ARHGAP26: variants seen among roughly 807,000 people sequenced by gnomAD.
The protein encoded by ARHGAP26 is rho GTPase-activating protein 26.
Under a neutral mutation model 104.8 loss-of-function variants are expected in ARHGAP26, and 38 were observed. The observed-to-expected ratio is 0.36, with a 90% confidence interval of 0.28 to 0.48. The LOEUF is 0.48. ARHGAP26 is among the 20% of genes least tolerant of loss of function. ARHGAP26 has a pLI of 0.99. For synonymous variants in ARHGAP26, 341 were observed against 340.0 expected (o/e 1.00, Z -0.03); for missense variants, 704 against 947.9 (o/e 0.74, Z 3.38).
At chr5:143,094,828 G>A (rs1039071896) in intron 17 of ARHGAP26, among the ~76,000 whole-genome samples, 4 of 152,160 alleles carry the variant, frequency 2.6e-5, no homozygotes, top group Non-Finnish European at 5.9e-5. Context: ...ATCAGAATGA[G>A]TCAGGGTGGA....
intron 17 of ARHGAP26, among the ~76,000 whole-genome samples, chr5:143,113,988 G>A (rs913072975): frequency 2.0e-5 from 3 of 152,134 alleles, no homozygotes; most frequent in Non-Finnish European, 4.4e-5. Context: ...CGTTAGCTGT[G>A]TAACCTCGAG....
chr5:143,211,570 C>G (rs948561176), intron 21 of ARHGAP26, among the ~76,000 whole-genome samples: 4 of 147,952 alleles, frequency 2.7e-5, no homozygotes, highest in Non-Finnish European at 4.5e-5. Flanking sequence ...TATTTATTTA[C>G]CTACTTACTT....
chr5:143,093,496 ATC>A (rs150564234), intron 17 of ARHGAP26, among the ~76,000 whole-genome samples: 12,338 of 151,346 alleles, frequency 0.082, 886 homozygotes, highest in East Asian at 0.28. Context: ...TACTATTTCT[ATC>A]TCTCTCTCTT....
chr5:142,908,753 A>T (rs364211), intron 9 of ARHGAP26: 32,895 of 167,040 alleles, frequency 0.2, 3,927 homozygotes, highest in East Asian at 0.46. Flanking sequence ...ATAGAAGGTG[A>T]TATGTAGCTA....
At chr5:142,813,315 T>A (rs1764483727) in intron 1 of ARHGAP26, among the ~76,000 whole-genome samples, 1 of 152,224 alleles carries the variant, frequency 6.6e-6, no homozygotes, top group Admixed American at 6.5e-5. Flanking sequence ...GTTCCCAGCC[T>A]CTGAAAGGCA....
chr5:142,940,128 C>T (rs1481125166), intron 11 of ARHGAP26, among the ~76,000 whole-genome samples: 1 of 152,184 alleles, frequency 6.6e-6, no homozygotes, highest in Non-Finnish European at 1.5e-5. Flanking sequence ...CATCCCAGGC[C>T]TAGCAGTTCA....
chr5:142,844,936 T>C (rs1310700322), intron 1 of ARHGAP26, among the ~76,000 whole-genome samples: 2 of 152,124 alleles, frequency 1.3e-5, no homozygotes, highest in Non-Finnish European at 2.9e-5. Context: ...CCCTGCTCTC[T>C]GATGCCTGCT....
chr5:143,013,049 C>T (rs1056877671), intron 11 of ARHGAP26, among the ~76,000 whole-genome samples: 1 of 152,040 alleles, frequency 6.6e-6, no homozygotes, highest in Non-Finnish European at 1.5e-5. Flanking sequence ...GAATCCAGCC[C>T]ACCACCTTCT....
rs142942884 is a variant in ARHGAP26 at position 143,207,194 on chromosome 5, G to T, written c.1989-4G>T. On this transcript the variant is annotated splice_polypyrimidine_tract_variant and splice_region_variant and intron_variant, in intron 20 of 22. Coordinates refer to ENST00000645722, the MANE Select transcript of ARHGAP26 (RefSeq NM_001135608.3). ...ACAAGTTTTCTGGTTGTTATGTCTTGCAGCCCCCCGAATCCAAGCCCAACT... is the reference window on the plus strand; with the variant it reads ...ACAAGTTTTCTGGTTGTTATGTCTTTCAGCCCCCCGAATCCAAGCCCAACT... 68 of 1,612,374 alleles carry T rather than the reference G, an allele frequency of 4.2e-5. No individual in the cohort carries two copies. In the East Asian group the frequency reaches 1.5e-3, roughly 36 times the overall value.
intron 12 of ARHGAP26, among the ~76,000 whole-genome samples, chr5:143,016,366 TACC>T (rs1415267070): frequency 1.3e-5 from 2 of 152,228 alleles, no homozygotes; most frequent in African/African-American, 4.8e-5. Flanking sequence ...CTTCAGTCAT[TACC>T]CTTTCATCTA....
chr5:142,785,735 T>C (rs1758442887), intron 1 of ARHGAP26, among the ~76,000 whole-genome samples: 3 of 152,218 alleles, frequency 2.0e-5, no homozygotes, highest in Non-Finnish European at 4.4e-5. Context: ...TCAGTGGTCT[T>C]AACAGGAAAG....
intron 2 of ARHGAP26, chr5:142,874,815 C>T (rs968417692): frequency 2.1e-5 from 6 of 286,280 alleles, no homozygotes; most frequent in Middle Eastern, 1.0e-3. Context: ...CCTTCCAGCC[C>T]GGGGCCTGGA....
intron 20 of ARHGAP26, among the ~76,000 whole-genome samples, chr5:143,191,925 A>T (rs1004887669): frequency 6.7e-6 from 1 of 148,480 alleles, no homozygotes; most frequent in Admixed American, 6.6e-5. Flanking sequence ...TGAGAGCTGT[A>T]CCGTTTTATG....
At chr5:143,174,089 G>A (rs1005074777) in intron 20 of ARHGAP26, among the ~76,000 whole-genome samples, 5 of 152,168 alleles carry the variant, frequency 3.3e-5, no homozygotes, top group African/African-American at 1.2e-4. Flanking sequence ...TTCTTAAAAG[G>A]AGGATGGCAG....
intron 11 of ARHGAP26, among the ~76,000 whole-genome samples, chr5:142,960,860 C>G (rs759002803): frequency 1.3e-5 from 2 of 152,178 alleles, no homozygotes; most frequent in Non-Finnish European, 2.9e-5. Flanking sequence ...TCATGCTGTT[C>G]TGCTGGTCTT....
intron 11 of ARHGAP26, among the ~76,000 whole-genome samples, chr5:142,944,385 C>A (rs1385485001): frequency 2.0e-5 from 3 of 152,074 alleles, no homozygotes; most frequent in Admixed American, 6.5e-5. Flanking sequence ...GAACATTTTT[C>A]TAGGATACAT....
chr5:142,915,936 C>T (rs1174823381), intron 10 of ARHGAP26, among the ~76,000 whole-genome samples: 1 of 152,170 alleles, frequency 6.6e-6, no homozygotes, highest in Non-Finnish European at 1.5e-5. Context: ...TTTCCTTTTT[C>T]ACCAATGTCC....
chr5:142,860,628 A>G (rs1046515236), intron 1 of ARHGAP26: 2 of 152,302 alleles, frequency 1.3e-5, no homozygotes, highest in African/African-American at 2.4e-5. Flanking sequence ...CATGATTGAG[A>G]ACATGTTTTG....
intron 1 of ARHGAP26, among the ~76,000 whole-genome samples, chr5:142,810,719 T>C (rs1476713217): frequency 6.6e-6 from 1 of 152,240 alleles, no homozygotes; most frequent in African/African-American, 2.4e-5. Flanking sequence ...GTAATACCTA[T>C]TTCATTGTTG....
Sources: allele counts gnomAD v4.1 joint callset (sites outside exome capture counted in the v4.1 genomes callset), GRCh38; gene constraint gnomAD v4.1.1; transcripts MANE v1.5; gene names NCBI Gene and HGNC (gene_info 2026-07-23, HGNC 2026-07-21).